SEC14L1: variants seen among roughly 807,000 people sequenced by gnomAD.
SEC14L1 encodes the protein SEC14-like protein 1.
A neutral mutation model predicts 85.3 loss-of-function variants in SEC14L1; 48 were observed. That is an observed-to-expected ratio of 0.56 (90% CI 0.45 to 0.72). The LOEUF (loss-of-function observed/expected upper bound fraction) is 0.72, where lower values mean the gene tolerates loss of function less well. SEC14L1 is among the 30% of genes least tolerant of loss of function. The pLI, the probability that SEC14L1 is intolerant of heterozygous loss-of-function variation, is 0.00. For missense variants in SEC14L1, 682 were observed against 921.4 expected (o/e 0.74, Z 3.36); for synonymous variants, 391 against 355.5 (o/e 1.10, Z -1.12).
intron 3 of SEC14L1, among the ~76,000 whole-genome samples, chr17:77,108,803 AAAG>A (rs1291019144): frequency 1.1e-4 from 17 of 149,542 alleles, no homozygotes; most frequent in African/African-American, 3.5e-4. Context: ...AAAAAAAAAA[AAAG>A]AATGTATATG....
At chr17:77,140,784 G>A (rs970044888), upstream of SEC14L1, 1 of 152,028 alleles carries the variant, frequency 6.6e-6, no homozygotes, top group Non-Finnish European at 1.5e-5. Context: ...TCGCGGGTCG[G>A]AGCTCGCGCC....
chr17:77,154,206 C>G (rs1339615596), intron 3 of SEC14L1, among the ~76,000 whole-genome samples: 11 of 152,130 alleles, frequency 7.2e-5, no homozygotes, highest in Admixed American at 7.2e-4. Context: ...TGTGGTGGCT[C>G]ACATCTGTAA....
Position 77,151,949 on chromosome 17 carries a change from C to T in SEC14L1, c.63+8290C>T, listed in dbSNP as rs114509984. 3.1e-3 allele frequency among the ~76,000 whole-genome samples: 477 copies of T among 152,264 alleles called. 2 individuals are homozygous for T. Among genetic ancestry groups the T allele is most frequent in the African/African-American group, 0.011 (447 of 41,550 alleles). ...CTTGTTAATTTGTTGACAAATACTT[C>T]AGTGTACATCTCTAACCTTTTGCTT... On this transcript the variant is annotated intron_variant, in intron 3 of 16. Transcript: ENST00000436233.
chr17:77,109,167 A>G (rs1028657802), intron 3 of SEC14L1, among the ~76,000 whole-genome samples: 6 of 151,946 alleles, frequency 3.9e-5, no homozygotes, highest in Admixed American at 6.6e-5. Context: ...GCAGAAACAG[A>G]ACAAAAAGCA....
intron 3 of SEC14L1, among the ~76,000 whole-genome samples, chr17:77,173,584 G>A (rs1356288628): frequency 1.3e-5 from 2 of 152,172 alleles, no homozygotes; most frequent in African/African-American, 2.4e-5. Context: ...CCTCCTGAGG[G>A]ACAGGACTCT....
intron 3 of SEC14L1, among the ~76,000 whole-genome samples, chr17:77,100,394 T>TTTTTC (rs1175276902): frequency 1.4e-5 from 1 of 71,572 alleles, no homozygotes; most frequent in Admixed American, 1.5e-4. Context: ...TGGCTTTTTC[T>TTTTTC]TTTTTTTTTT....
At chr17:77,138,855 ATTGG>A (rs1163111151), upstream of SEC14L1, among the ~76,000 whole-genome samples, 1 of 152,126 alleles carries the variant, frequency 6.6e-6, no homozygotes, top group African/African-American at 2.4e-5. Context: ...GTTTTTTGTG[ATTGG>A]TTGATGTCTC....
intron 3 of SEC14L1, among the ~76,000 whole-genome samples, chr17:77,116,522 G>A (rs1303971980): frequency 1.3e-5 from 2 of 152,158 alleles, no homozygotes; most frequent in African/African-American, 2.4e-5. Context: ...TAAAGTTCTG[G>A]AGTGGGAACT....
intron 3 of SEC14L1, among the ~76,000 whole-genome samples, chr17:77,171,258 C>T (rs900350030): frequency 6.6e-6 from 1 of 152,176 alleles, no homozygotes; most frequent in African/African-American, 2.4e-5. Context: ...CAACATCCCT[C>T]TTATGAGAGG....
chr17:77,120,546 G>T (rs1227048954), intron 3 of SEC14L1, among the ~76,000 whole-genome samples: 2 of 151,614 alleles, frequency 1.3e-5, no homozygotes, highest in African/African-American at 4.9e-5. Context: ...GCACGATCTC[G>T]GCTCACTGTA....
intron 3 of SEC14L1, among the ~76,000 whole-genome samples, chr17:77,099,840 G>A (rs1598216461): frequency 6.6e-6 from 1 of 152,158 alleles, no homozygotes; most frequent in Non-Finnish European, 1.5e-5. Flanking sequence ...CCCTTCGAAA[G>A]TTAACGGGGA....
At chr17:77,093,724 G>A (rs536299694) in intron 3 of SEC14L1, 5 of 152,390 alleles carry the variant, frequency 3.3e-5, no homozygotes, top group African/African-American at 7.2e-5. Flanking sequence ...TCTTCAGTAA[G>A]ATGGGGACAC....
chr17:77,097,768 G>A (rs913524611), intron 3 of SEC14L1, among the ~76,000 whole-genome samples: 1 of 152,100 alleles, frequency 6.6e-6, no homozygotes, highest in Non-Finnish European at 1.5e-5. Flanking sequence ...TTAAAATACA[G>A]CCAGAGGCAA....
At chr17:77,098,058 C>A (rs1413186741) in intron 3 of SEC14L1, among the ~76,000 whole-genome samples, 1 of 152,164 alleles carries the variant, frequency 6.6e-6, no homozygotes, top group Non-Finnish European at 1.5e-5. Flanking sequence ...GGCTGGGGGG[C>A]TGAGGCCAGA....
upstream of SEC14L1, chr17:77,140,830 C>T (rs1258614453): frequency 1.3e-5 from 2 of 152,070 alleles, no homozygotes; most frequent in African/African-American, 4.8e-5. Flanking sequence ...TCCCCCCTCC[C>T]CTTTCTTAGC....
In SEC14L1 at chr17:77,200,683, G is replaced by A. The variant is rs1190681990; in HGVS notation, c.1009+10G>A. ...CATCATCACGACAAAGGTACCGGAT[G>A]GAGTTGAAACTGTGTTTCCATCGTT... is the stretch of plus-strand genomic sequence containing the variant. On this transcript the variant is annotated intron_variant, in intron 9 of 16. Transcript: ENST00000436233. 1 of 1,607,658 alleles carries A rather than the reference G, an allele frequency of 6.2e-7. No homozygotes were observed. The highest frequency in any genetic ancestry group is 2.2e-5 in the East Asian group (1 of 44,720).
intron 3 of SEC14L1, among the ~76,000 whole-genome samples, chr17:77,111,018 A>G (rs1355636458): frequency 1.3e-5 from 2 of 151,032 alleles, no homozygotes; most frequent in African/African-American, 4.9e-5. Context: ...ACATGGTGAA[A>G]CCTCATCTCT....
At chr17:77,189,245 CAG>C (rs1199222977) in intron 3 of SEC14L1, among the ~76,000 whole-genome samples, 2 of 152,146 alleles carry the variant, frequency 1.3e-5, no homozygotes. Context: ...GAAACAGACA[CAG>C]AGAACAGAGA....
intron 3 of SEC14L1, among the ~76,000 whole-genome samples, chr17:77,132,133 G>C (rs574720160): frequency 1.6e-4 from 24 of 152,146 alleles, no homozygotes; most frequent in South Asian, 1.0e-3. Flanking sequence ...CATGTCAGGA[G>C]TATCAGTCAT....
Sources: gnomAD v4.1 joint callset for allele counts (sites outside exome capture counted in the v4.1 genomes callset) on GRCh38, gnomAD v4.1.1 for gene constraint, MANE v1.5 for transcripts, NCBI Gene and HGNC (gene_info 2026-07-23, HGNC 2026-07-21) for gene names.